Variants in VBP1 observed in about 807,000 individuals in gnomAD.
The protein encoded by VBP1 is VHL binding protein 1.
A neutral mutation model predicts 15.5 loss-of-function variants in VBP1; 4 were observed. The observed-to-expected ratio is 0.26, with a 90% confidence interval of 0.13 to 0.59. VBP1 has a LOEUF of 0.59. Ranked by LOEUF, VBP1 falls within the 20% of genes least tolerant of loss-of-function variation. The pLI is 0.90. For synonymous variants in VBP1, 61 were observed against 52.1 expected (o/e 1.17, Z -0.74); for missense variants, 108 against 139.6 (o/e 0.77, Z 1.14).
intron 3 of VBP1, among the ~76,000 whole-genome samples, chrX:155,227,846 G>A (rs2074726311): frequency 8.9e-6 from 1 of 112,309 alleles, no homozygotes; most frequent in Non-Finnish European, 1.9e-5. Context: ...AAAGCAGGTT[G>A]TAAAGATTAA....
At chrX:155,214,767 C>CATTTTTTTTTTTTT (rs2074656436), upstream of VBP1, among the ~76,000 whole-genome samples, 1 of 57,393 alleles carries the variant, frequency 1.7e-5, no homozygotes, top group African/African-American at 1.1e-4. Flanking sequence ...TTTTTCTTTT[C>CATTTTTTTTTTTTT]CTTTTTTTTT....
chrX:155,224,547 C>T (rs1361572887), intron 2 of VBP1, among the ~76,000 whole-genome samples: 20 of 111,961 alleles, frequency 1.8e-4, no homozygotes, highest in South Asian at 3.7e-4. Flanking sequence ...GTCGAGATGG[C>T]GGCAGTACAG....
intron 2 of VBP1, among the ~76,000 whole-genome samples, chrX:155,211,450 G>C (rs1436809150): frequency 8.9e-6 from 1 of 112,194 alleles, no homozygotes; most frequent in East Asian, 2.8e-4. Flanking sequence ...GTGAGGCCCA[G>C]AGAAGCAAAG....
intron 1 of VBP1, among the ~76,000 whole-genome samples, chrX:155,201,038 C>G (rs1462292984): frequency 2.7e-5 from 3 of 111,706 alleles, no homozygotes; most frequent in Admixed American, 9.5e-5. Flanking sequence ...TCGACACATA[C>G]ACCCTCCCAA....
intron 4 of VBP1, among the ~76,000 whole-genome samples, chrX:155,231,227 C>A (rs1557310821): frequency 8.9e-6 from 1 of 111,924 alleles, no homozygotes; most frequent in East Asian, 2.8e-4. Flanking sequence ...CCTCTCAGCA[C>A]TCATTTATGC....
At chrX:155,232,983 C>T (rs1383015028) in intron 4 of VBP1, among the ~76,000 whole-genome samples, 8 of 112,747 alleles carry the variant, frequency 7.1e-5, no homozygotes, top group African/African-American at 2.6e-4. Context: ...CTGTGGAATA[C>T]TATACAGTAC....
chrX:155,219,576 T>C lies in VBP1; in HGVS notation c.94-607T>C, dbSNP rs2074679275. ...TAAAAATAAGTAATAAAATTGATAA[T>C]CTTGACATGCAACCTGTAAAATCAT... On this transcript the variant is annotated intron_variant, in intron 1 of 5. Coordinates refer to ENST00000286428, the MANE Select transcript of VBP1 (RefSeq NM_003372.7). Among the ~76,000 whole-genome samples, 3 of 111,894 alleles carry C rather than the reference T, an allele frequency of 2.7e-5. No individual in the cohort carries two copies. The South Asian group carries it at 1.1e-3, about 41-fold the overall frequency.
intron 4 of VBP1, among the ~76,000 whole-genome samples, chrX:155,232,113 G>A (rs1384122223): frequency 9.0e-6 from 1 of 110,956 alleles, no homozygotes; most frequent in African/African-American, 3.3e-5. Context: ...TAGTTTTATA[G>A]GTGAAAATAG....
intron 1 of VBP1, among the ~76,000 whole-genome samples, chrX:155,202,165 T>C (rs80217559): frequency 1.8e-5 from 2 of 111,474 alleles, no homozygotes; most frequent in Non-Finnish European, 3.8e-5. Context: ...GAATCAGTAT[T>C]GTGAAAATGG....
At chrX:155,207,711 A>AT (rs1217356731) in intron 1 of VBP1, among the ~76,000 whole-genome samples, 3 of 111,642 alleles carry the variant, frequency 2.7e-5, no homozygotes, top group Non-Finnish European at 5.6e-5. Flanking sequence ...ATATGTGGGT[A>AT]TTTTTTTAAG....
At chrX:155,229,115 C>T (rs1351693042) in intron 4 of VBP1, among the ~76,000 whole-genome samples, 1 of 111,808 alleles carries the variant, frequency 8.9e-6, no homozygotes, top group Non-Finnish European at 1.9e-5. Flanking sequence ...AGCTGTCCTA[C>T]GGGGAGGATT....
intron 1 of VBP1, among the ~76,000 whole-genome samples, chrX:155,203,121 A>G (rs1478923209): frequency 1.8e-5 from 2 of 111,788 alleles, no homozygotes; most frequent in African/African-American, 3.3e-5. Context: ...CTGGTGCTGG[A>G]GAGGATGTGG....
At chrX:155,206,292 G>A (rs2074625940) in intron 1 of VBP1, among the ~76,000 whole-genome samples, 1 of 108,949 alleles carries the variant, frequency 9.2e-6, no homozygotes, top group East Asian at 2.9e-4. Context: ...GGAGTGCAGT[G>A]GCACAATCTC....
chrX:155,220,364 A>G, intron 2 of VBP1, 57 bp downstream of exon 2: 1 of 973,737 alleles, frequency 1.0e-6, no homozygotes, highest in South Asian at 2.8e-5. Context: ...CTTTTAAAAA[A>G]TTGAGATATA....
intron 4 of VBP1, among the ~76,000 whole-genome samples, chrX:155,234,174 G>A (rs899318338): frequency 3.5e-4 from 32 of 91,643 alleles, no homozygotes; most frequent in Non-Finnish European, 5.9e-4. Flanking sequence ...GGGCTGGAGC[G>A]CAGTGACGTG....
upstream of VBP1, among the ~76,000 whole-genome samples, chrX:155,212,613 C>G (rs782151252): frequency 4.5e-5 from 5 of 111,821 alleles, no homozygotes; most frequent in African/African-American, 1.6e-4. Context: ...GGACACTGAG[C>G]TAGATAGGTG....
At chrX:155,201,920 T>C (rs2074605830) in intron 1 of VBP1, among the ~76,000 whole-genome samples, 2 of 111,806 alleles carry the variant, frequency 1.8e-5, no homozygotes, top group Non-Finnish European at 3.8e-5. Flanking sequence ...AGTCTCAGGA[T>C]ACAAAATCAA....
intron 1 of VBP1, 49 bp downstream of exon 1, chrX:155,216,624 C>A: frequency 1.7e-6 from 2 of 1,158,702 alleles, no homozygotes; most frequent in Non-Finnish European, 1.2e-6. Context: ...CCTTGGACTG[C>A]CCCTTTCTTC....
chrX:155,206,470 G>A (rs1356236518), intron 1 of VBP1, among the ~76,000 whole-genome samples: 2 of 110,841 alleles, frequency 1.8e-5, no homozygotes, highest in African/African-American at 6.6e-5. Flanking sequence ...TCCTGACCTC[G>A]TGATCTGCCT....
Sources: allele counts gnomAD v4.1 joint callset (sites outside exome capture counted in the v4.1 genomes callset), GRCh38; gene constraint gnomAD v4.1.1; transcripts MANE v1.5; gene names NCBI Gene and HGNC (gene_info 2026-07-23, HGNC 2026-07-21).